The following KCNH7 variants were observed in gnomAD, a reference collection of about 807,000 sequenced individuals.
KCNH7 encodes the protein voltage-gated inwardly rectifying potassium channel KCNH7.
A neutral mutation model predicts 120.8 loss-of-function variants in KCNH7; 49 were observed. The ratio of observed to expected loss-of-function variants is 0.41; its 90% CI spans 0.32 to 0.51. The LOEUF (loss-of-function observed/expected upper bound fraction) is 0.51, where lower values mean the gene tolerates loss of function less well. Ranked by LOEUF, KCNH7 falls within the 20% of genes least tolerant of loss-of-function variation. KCNH7 has a pLI of 0.38. For missense variants in KCNH7, 1,097 were observed against 1,446.6 expected (o/e 0.76, Z 3.92); for synonymous variants, 547 against 516.1 (o/e 1.06, Z -0.81).
chr2:162,421,984 A>T (rs1277584913), intron 9 of KCNH7, among the ~76,000 whole-genome samples: 1 of 152,098 alleles, frequency 6.6e-6, no homozygotes, highest in Non-Finnish European at 1.5e-5. Context: ...CCTTTGTTAA[A>T]CAATAATAGT....
chr2:162,643,427 T>C (rs1397146809), intron 2 of KCNH7, among the ~76,000 whole-genome samples: 3 of 152,068 alleles, frequency 2.0e-5, no homozygotes, highest in Non-Finnish European at 4.4e-5. Context: ...AGTATAAATA[T>C]TAGGAAAAGT....
intron 2 of KCNH7, among the ~76,000 whole-genome samples, chr2:162,629,365 A>G (rs1683678958): frequency 6.6e-6 from 1 of 152,036 alleles, no homozygotes; most frequent in Non-Finnish European, 1.5e-5. Flanking sequence ...TCGCTGTCAG[A>G]GGAAATGTAA....
intron 2 of KCNH7, among the ~76,000 whole-genome samples, chr2:162,760,255 G>A (rs983800264): frequency 5.3e-5 from 8 of 151,912 alleles, no homozygotes; most frequent in Admixed American, 2.6e-4. Context: ...GTCTCAAGTA[G>A]AAAAACAAAA....
At chr2:162,755,986 TAGAGAG>T (rs1169853498) in intron 2 of KCNH7, among the ~76,000 whole-genome samples, 1 of 152,092 alleles carries the variant, frequency 6.6e-6, no homozygotes, top group Non-Finnish European at 1.5e-5. Flanking sequence ...TTAAGAGAAA[TAGAGAG>T]AAACAAGTGA....
intron 7 of KCNH7, among the ~76,000 whole-genome samples, chr2:162,437,866 C>T (rs768400906): frequency 3.3e-5 from 5 of 152,128 alleles, no homozygotes; most frequent in Admixed American, 2.6e-4. Flanking sequence ...GGCCTTGCAG[C>T]TCGCCTCAAG....
At chr2:162,625,400 T>C (rs1462663613) in intron 2 of KCNH7, among the ~76,000 whole-genome samples, 1 of 152,198 alleles carries the variant, frequency 6.6e-6, no homozygotes, top group Non-Finnish European at 1.5e-5. Context: ...TTACCCAGTA[T>C]GTGATCAGTC....
At chr2:162,661,355 G>A (rs1684952592) in intron 2 of KCNH7, among the ~76,000 whole-genome samples, 1 of 152,114 alleles carries the variant, frequency 6.6e-6, no homozygotes, top group Admixed American at 6.5e-5. Flanking sequence ...AAAGATCATA[G>A]CAAGAAAGAA....
At chr2:162,611,558 A>C (rs1389247524) in intron 2 of KCNH7, among the ~76,000 whole-genome samples, 3 of 152,246 alleles carry the variant, frequency 2.0e-5, no homozygotes, top group Non-Finnish European at 4.4e-5. Context: ...TAATTGAAGC[A>C]ACAGATCTAA....
At chr2:162,603,894 T>C (rs757438441) in intron 2 of KCNH7, among the ~76,000 whole-genome samples, 31 of 152,148 alleles carry the variant, frequency 2.0e-4, no homozygotes, top group Non-Finnish European at 3.8e-4. Context: ...ATTTGCAGTA[T>C]TGTTTTCATT....
In KCNH7 at chr2:162,676,269, G is replaced by A. The variant is rs369045494; in HGVS notation, c.308-139189C>T. 2.8e-4 allele frequency among the ~76,000 whole-genome samples: 42 copies of A among 151,560 alleles called. No homozygotes were observed. The East Asian group carries it at 6.2e-3, about 22-fold the overall frequency. ...GGAAAGCATGTTAGTATATAAAAAA[G>A]TTTGTTAAGGTTTTAAAGATAACAA... On this transcript the variant is annotated intron_variant, in intron 2 of 15. Transcript: ENST00000332142.
At chr2:162,507,582 T>A (rs959488905) in intron 5 of KCNH7, among the ~76,000 whole-genome samples, 6 of 151,602 alleles carry the variant, frequency 4.0e-5, no homozygotes, top group African/African-American at 1.4e-4. Flanking sequence ...ACAAAGCATG[T>A]TTGCAGGATC....
At chr2:162,394,612 C>T (rs191038990) in intron 11 of KCNH7, 127 bp from the exon 12 acceptor site, 133 of 611,624 alleles carry the variant, frequency 2.2e-4, no homozygotes, top group Non-Finnish European at 3.5e-4. Flanking sequence ...AGATTGCAGG[C>T]AAACAGCTAA....
chr2:162,396,611 C>T lies in KCNH7; in HGVS notation c.2613+129G>A, dbSNP rs1047356218. ...AAATTTTAATATTCAGTTGGCCTTTCCTTCCAAATATTCAGAATTGGTAAA... is the reference window on the plus strand; with the variant it reads ...AAATTTTAATATTCAGTTGGCCTTTTCTTCCAAATATTCAGAATTGGTAAA... On this transcript the variant is annotated intron_variant, in intron 11 of 15. Transcript: ENST00000332142. 11 of 667,628 alleles carry T rather than the reference C, an allele frequency of 1.6e-5. No homozygotes were observed. In the African/African-American group the frequency reaches 1.7e-4, roughly 10 times the overall value. 41.4% of individuals were successfully genotyped at this position (667,628 alleles called of 1,614,324 possible).
chr2:162,829,344 G>A (rs1262285951), intron 2 of KCNH7, among the ~76,000 whole-genome samples: 2 of 152,044 alleles, frequency 1.3e-5, no homozygotes, highest in Non-Finnish European at 2.9e-5. Context: ...TGCCATTATT[G>A]TATAACTCTG....
At chr2:162,438,061 G>C (rs536459672) in intron 7 of KCNH7, among the ~76,000 whole-genome samples, 1 of 152,128 alleles carries the variant, frequency 6.6e-6, no homozygotes, top group African/African-American at 2.4e-5. Context: ...TGAGAATTAT[G>C]GTTAAAATTT....
At chr2:162,561,552 C>T (rs148263731) in intron 2 of KCNH7, among the ~76,000 whole-genome samples, 2 of 152,192 alleles carry the variant, frequency 1.3e-5, no homozygotes, top group African/African-American at 4.8e-5. Flanking sequence ...TCTCCAGCAT[C>T]TCTTGTTTCC....
chr2:162,710,580 T>C (rs1345688774), intron 2 of KCNH7, among the ~76,000 whole-genome samples: 1 of 152,122 alleles, frequency 6.6e-6, no homozygotes, highest in Non-Finnish European at 1.5e-5. Flanking sequence ...ATTTTAGTGT[T>C]TGGTTGGAAT....
chr2:162,757,034 A>G (rs1688810385), intron 2 of KCNH7, among the ~76,000 whole-genome samples: 1 of 152,192 alleles, frequency 6.6e-6, no homozygotes, highest in Non-Finnish European at 1.5e-5. Context: ...TGTGAAATTT[A>G]CTTTCCACCA....
intron 3 of KCNH7, among the ~76,000 whole-genome samples, chr2:162,529,570 A>T (rs1164738059): frequency 6.6e-6 from 1 of 151,980 alleles, no homozygotes; most frequent in African/African-American, 2.4e-5. Flanking sequence ...AAACAAAAAT[A>T]ATTTATTTAA....
Sources: allele counts gnomAD v4.1 joint callset (sites outside exome capture counted in the v4.1 genomes callset), GRCh38; gene constraint gnomAD v4.1.1; transcripts MANE v1.5; gene names NCBI Gene and HGNC (gene_info 2026-07-23, HGNC 2026-07-21).